Variants in NT5E observed in about 807,000 individuals in gnomAD.
The protein encoded by NT5E is 5'-nucleotidase.
In NT5E, 53 loss-of-function variants were observed where a neutral mutation model predicts 55.1. The observed-to-expected ratio is 0.96, with a 90% CI of 0.77 to 1.21. The LOEUF is 1.21. Ranked by LOEUF, NT5E falls within the 50% of genes most tolerant of loss-of-function variation. The pLI, the probability that NT5E is intolerant of heterozygous loss-of-function variation, is 0.00. For synonymous variants in NT5E, 270 were observed against 278.4 expected, an observed-to-expected ratio of 0.97 and a Z score of 0.30; for missense variants, 683 against 724.3, an observed-to-expected ratio of 0.94 and a Z score of 0.65.
chr6:85,467,380 C>T (rs1370567541), intron 2 of NT5E, 98 bp downstream of exon 2: 1 of 986,928 alleles, frequency 1.0e-6, no homozygotes, highest in Middle Eastern at 3.0e-4. Context: ...GTAGGAACAA[C>T]TGGGTAAATA....
chr6:85,450,312 T>C lies in NT5E; in HGVS notation c.173T>C (p.Met58Thr), dbSNP rs1324317477. 1.9e-6 allele frequency: 3 copies of C among 1,603,570 alleles called. No homozygotes were observed. The highest frequency in any genetic ancestry group is 2.6e-6 in the Non-Finnish European group (3 of 1,176,184). ...SSKCVNASRCMGGVARLFTKV... is the reference protein window; with the variant it reads ...SSKCVNASRCTGGVARLFTKV... The stretch of plus-strand genomic sequence containing the variant: ...AAGTGCGTCAACGCCAGCCGCTGCA[T>C]GGGTGGCGTGGCTCGGCTCTTCACC... Residue 58 changes from methionine (M) to threonine (T), a missense_variant, in exon 1 of 9, where the codon ATG (methionine) becomes ACG (threonine). Physicochemically the swap from Met to Thr is moderately conservative, Grantham distance 81 (BLOSUM62 -1). Coordinates refer to ENST00000257770, the MANE Select transcript of NT5E (RefSeq NM_002526.4). The surrounding 1 kb of genome is among the most constrained non-coding windows in gnomAD (Gnocchi z 4.0).
At chr6:85,484,879 A>G (rs1769617429) in intron 3 of NT5E, among the ~76,000 whole-genome samples, 1 of 152,190 alleles carries the variant, frequency 6.6e-6, no homozygotes, top group South Asian at 2.1e-4. Context: ...GAACTACAGT[A>G]TGGTAAAGTG....
chr6:85,468,097 G>A (rs932201709), intron 2 of NT5E, among the ~76,000 whole-genome samples: 1 of 152,016 alleles, frequency 6.6e-6, no homozygotes, highest in Non-Finnish European at 1.5e-5. Context: ...TAGGAGCCAG[G>A]GTTATCTAGA....
At chr6:85,490,175 G>T (rs1769752331) in intron 6 of NT5E, among the ~76,000 whole-genome samples, 2 of 152,198 alleles carry the variant, frequency 1.3e-5, no homozygotes, top group Non-Finnish European at 2.9e-5. Flanking sequence ...GGTTGCAGGG[G>T]CACATTGTTT....
chr6:85,490,407 T>C (rs987721913), intron 6 of NT5E, 101 bp from the exon 7 acceptor site: 5 of 1,331,902 alleles, frequency 3.8e-6, no homozygotes, highest in African/African-American at 2.9e-5. Flanking sequence ...AAGCTTCCCA[T>C]GTCCCCCTCA....
At chr6:85,457,326 T>G (rs1769009198) in intron 1 of NT5E, among the ~76,000 whole-genome samples, 1 of 152,184 alleles carries the variant, frequency 6.6e-6, no homozygotes, top group Non-Finnish European at 1.5e-5. Context: ...TTCCACTTAC[T>G]AGCTGTGTGA....
intron 3 of NT5E, among the ~76,000 whole-genome samples, chr6:85,476,596 G>A (rs117775225): frequency 0.016 from 2,498 of 152,284 alleles, 36 homozygotes; most frequent in Non-Finnish European, 0.025. Flanking sequence ...TCTGTATCCT[G>A]AACTCTTGTT....
intron 1 of NT5E, among the ~76,000 whole-genome samples, chr6:85,457,157 T>C (rs991596715): frequency 1.3e-5 from 2 of 152,224 alleles, no homozygotes; most frequent in African/African-American, 4.8e-5. Flanking sequence ...CGCTTACCGC[T>C]GACAGCTGAG....
At chr6:85,493,267 C>A (rs1247922417) in intron 8 of NT5E, among the ~76,000 whole-genome samples, 1 of 152,140 alleles carries the variant, frequency 6.6e-6, no homozygotes, top group Non-Finnish European at 1.5e-5. Flanking sequence ...CTAGTGTACA[C>A]CCAGAGGTGA....
At chr6:85,461,865 C>T (rs1451521685) in intron 1 of NT5E, among the ~76,000 whole-genome samples, 1 of 152,066 alleles carries the variant, frequency 6.6e-6, no homozygotes, top group Non-Finnish European at 1.5e-5. Context: ...GGTAACTGCT[C>T]CTTCTGCCCC....
At chr6:85,487,614 C>A in intron 5 of NT5E, 125 bp downstream of exon 5, 1 of 1,330,262 alleles carries the variant, frequency 7.5e-7, no homozygotes. Context: ...CATTTTTAGC[C>A]AGGGTGGTGG....
intron 1 of NT5E, among the ~76,000 whole-genome samples, chr6:85,455,922 T>C (rs1182544791): frequency 6.6e-6 from 1 of 152,128 alleles, no homozygotes. Flanking sequence ...TATGTGTGTG[T>C]TTGTGCTTTT....
At chr6:85,474,087 C>G (rs1261523098) in intron 3 of NT5E, among the ~76,000 whole-genome samples, 1 of 152,136 alleles carries the variant, frequency 6.6e-6, no homozygotes, top group Non-Finnish European at 1.5e-5. Flanking sequence ...GGGATTGGTT[C>G]TAGAACTCCC....
Position 85,495,089 on chromosome 6 carries a change from A to T in NT5E, c.*1085A>T, listed in dbSNP as rs1769863348. The T allele has an allele frequency of 6.6e-6, 1 of 152,224 alleles. No individual in the cohort carries two copies. Among genetic ancestry groups the T allele is most frequent in the Non-Finnish European group, 1.5e-5 (1 of 68,044 alleles). The allele number at this position is 152,224 out of a possible 1,614,324, so 9.4% of individuals were successfully genotyped here. On this transcript the variant is annotated 3_prime_UTR_variant, in exon 9 of 9. Transcript: ENST00000257770. ...GGCTAGCACTGAATTCATTCTACTC[A>T]TACTACACACCCAGTTATGGAATGT...
At chr6:85,481,236 T>A (rs190448546) in intron 3 of NT5E, among the ~76,000 whole-genome samples, 7 of 152,306 alleles carry the variant, frequency 4.6e-5, no homozygotes, top group Admixed American at 2.0e-4. Context: ...CTGGCCCTGA[T>A]CAGATTTTTT....
At chr6:85,490,944 G>C in intron 7 of NT5E, 1 of 536,038 alleles carries the variant, frequency 1.9e-6, no homozygotes, top group Admixed American at 2.5e-5. Flanking sequence ...TTGAGGTCTA[G>C]TTTCTAATAA....
intron 8 of NT5E, among the ~76,000 whole-genome samples, chr6:85,492,424 T>G (rs1419856256): frequency 6.6e-6 from 1 of 152,234 alleles, no homozygotes; most frequent in Non-Finnish European, 1.5e-5. Flanking sequence ...TTTAAAATTC[T>G]TTTAACTACA....
At chr6:85,479,452 AC>A (rs2127722983) in intron 3 of NT5E, among the ~76,000 whole-genome samples, 1 of 152,190 alleles carries the variant, frequency 6.6e-6, no homozygotes, top group South Asian at 2.1e-4. Flanking sequence ...ATTCCAGATG[AC>A]CTCCAGGTTC....
At position 85,485,934 on chromosome 6, in the gene NT5E, G is replaced by T. The variant is rs1281713701; in HGVS notation, c.949+502G>T. 3.9e-5 allele frequency among the ~76,000 whole-genome samples: 6 copies of T among 152,184 alleles called. No homozygotes were observed. In the South Asian group the frequency reaches 1.2e-3, roughly 32 times the overall value. On this transcript the variant is annotated intron_variant, in intron 4 of 8. Transcript: ENST00000257770. Reference sequence around the variant, plus strand: ...CGCAATGCAATGGGGCTCTCTCTTTGTTCCTAGGCAGATTGGCAGGTTGAG... The same window carrying T: ...CGCAATGCAATGGGGCTCTCTCTTTTTTCCTAGGCAGATTGGCAGGTTGAG...
Sources: allele counts gnomAD v4.1 joint callset (sites outside exome capture counted in the v4.1 genomes callset), GRCh38; gene constraint gnomAD v4.1.1; non-coding constraint Gnocchi (gnomAD v3.1); transcripts MANE v1.5; gene names NCBI Gene and HGNC (gene_info 2026-07-23, HGNC 2026-07-21).